Variants in OPN4 observed in about 807,000 individuals in gnomAD.
OPN4 encodes the protein melanopsin.
Under a neutral mutation model 49.5 loss-of-function variants are expected in OPN4, and 43 were observed. That is an observed-to-expected ratio of 0.87 (90% CI 0.68 to 1.12). The LOEUF is 1.12. OPN4 is among the 50% of genes most tolerant of loss of function. The pLI, the probability that OPN4 is intolerant of heterozygous loss-of-function variation, is 0.00. For synonymous variants in OPN4, 263 were observed against 258.0 expected (o/e 1.02, Z -0.19); for missense variants, 657 against 643.9 (o/e 1.02, Z -0.22).
rs757769982 is a variant in OPN4 at position 86,665,692 on chromosome 10, A to G, written c.1399-21A>G. 5.6e-6 allele frequency: 9 copies of G among 1,610,062 alleles called. No homozygotes were observed. The Admixed American group carries it at 1.5e-4, about 27-fold the overall frequency. On this transcript the variant is annotated intron_variant, in intron 9 of 9. Coordinates refer to ENST00000241891, the MANE Select transcript of OPN4 (RefSeq NM_033282.4). Reference sequence around the variant, plus strand: ...AGTGAACTGCTCCTCAGCTAAACAGATGTGTGCTGTTTGTTTGCAGACCAA... The same window carrying G: ...AGTGAACTGCTCCTCAGCTAAACAGGTGTGTGCTGTTTGTTTGCAGACCAA...
At chr10:86,665,676 C>G in intron 9 of OPN4, 37 bp from the exon 10 acceptor site, 1 of 1,600,308 alleles carries the variant, frequency 6.2e-7, no homozygotes, top group Non-Finnish European at 8.6e-7. Context: ...CAGTGAACTG[C>G]TCCTCAGCTA....
Position 86,654,567 on chromosome 10 carries a change from C to T in OPN4, c.-217C>T. The stretch of plus-strand genomic sequence containing the variant: ...TGGCTGTGAGTCACCATAACTGCGA[C>T]ACTCACTCATTTGCGCTTCACCAGA... On this transcript the variant is annotated 5_prime_UTR_variant, in exon 1 of 10. Transcript: ENST00000241891. The T allele has an allele frequency of 1.8e-6, 1 of 554,836 alleles. No homozygotes were observed. Among genetic ancestry groups the T allele is most frequent in the Non-Finnish European group, 3.2e-6 (1 of 316,568 alleles). 34.4% of individuals were successfully genotyped at this position (554,836 alleles called of 1,614,324 possible).
At chr10:86,659,170 A>G (rs1843940335) in intron 4 of OPN4, 127 bp from the exon 5 acceptor site, 1 of 695,130 alleles carries the variant, frequency 1.4e-6, no homozygotes. Context: ...TCCTCACTGC[A>G]TGGGACAGGG....
chr10:86,656,338 G>T, intron 2 of OPN4, 38 bp downstream of exon 2: 1 of 1,555,506 alleles, frequency 6.4e-7, no homozygotes, highest in Non-Finnish European at 8.7e-7. Flanking sequence ...GGCACTGAGG[G>T]TGGCAGCCAT....
chr10:86,658,752 TA>T, intron 4 of OPN4, 65 bp downstream of exon 4: 1 of 1,562,286 alleles, frequency 6.4e-7, no homozygotes, highest in Non-Finnish European at 8.7e-7. Flanking sequence ...CAAGGGGAAG[TA>T]GGTGGACTTG....
At chr10:86,655,523 G>A (rs1038326755) in intron 1 of OPN4, among the ~76,000 whole-genome samples, 1 of 152,198 alleles carries the variant, frequency 6.6e-6, no homozygotes, top group African/African-American at 2.4e-5. Flanking sequence ...GGTGGGAGGA[G>A]TCTTTAAATC....
At chr10:86,662,172 G>A (rs1409505438) in intron 7 of OPN4, 80 bp from the exon 8 acceptor site, 3 of 1,282,938 alleles carry the variant, frequency 2.3e-6, no homozygotes, top group South Asian at 2.7e-5. Context: ...CATTAGGCCT[G>A]TACCAGCCTG....
At chr10:86,658,388 C>A in intron 3 of OPN4, 96 bp from the exon 4 acceptor site, 2 of 1,390,848 alleles carry the variant, frequency 1.4e-6, no homozygotes, top group South Asian at 1.3e-5. Flanking sequence ...GGAGTGCGCT[C>A]AGTCCTGCTC....
In OPN4 at chr10:86,666,190, C is replaced by T. The variant is rs557376496; in HGVS notation, c.*439C>T. The stretch of plus-strand genomic sequence containing the variant: ...ATCTCCCACTGCCAACAGCTGAAGC[C>T]GAGCACAGACCTCCCTTTGCACGCT... On this transcript the variant is annotated 3_prime_UTR_variant, in exon 10 of 10. Transcript: ENST00000241891. 6.2e-4 allele frequency: 126 copies of T among 204,876 alleles called. No individual in the cohort carries two copies. In the Middle Eastern group the frequency reaches 7.8e-3, roughly 13 times the overall value. 12.7% of individuals were successfully genotyped at this position (204,876 alleles called of 1,614,324 possible).
In OPN4 at chr10:86,659,316, G is replaced by C. The variant is rs748995116; in HGVS notation, c.648G>C (p.Gly216=). ...FFGWSAYVPE[G]LLTSCSWDYM... The stretch of plus-strand genomic sequence containing the variant: ...TCCCAGGCGCCTACGTGCCCGAGGG[G>C]TTGCTGACATCCTGCTCCTGGGACT... Residue 216 remains glycine, a synonymous_variant, in exon 5 of 10, where the codon GGG becomes GGC. Transcript: ENST00000241891. The C allele has an allele frequency of 6.2e-7, 1 of 1,612,974 alleles. No homozygotes were observed.
At position 86,662,200 on chromosome 10, in the gene OPN4, C is replaced by G; in HGVS notation, c.1074-52C>G. On this transcript the variant is annotated intron_variant, in intron 7 of 9. Transcript: ENST00000241891. ...CCAGCCTGTGCACCCATCCCCTCCCCTGCATCTGTCTGCCCATCCCCTGGC... is the reference window on the plus strand; with the variant it reads ...CCAGCCTGTGCACCCATCCCCTCCCGTGCATCTGTCTGCCCATCCCCTGGC... 3.9e-6 allele frequency: 6 copies of G among 1,527,326 alleles called. 1 individual carries two copies. The South Asian group carries it at 7.0e-5, about 18-fold the overall frequency. 94.6% of individuals were successfully genotyped at this position (1,527,326 alleles called of 1,614,324 possible).
rs1589591836 is a variant in OPN4, at chr10:86,663,594, T to C, written c.1255-65T>C. 5 of 1,391,158 alleles carry C rather than the reference T, an allele frequency of 3.6e-6. No homozygotes were observed. The East Asian group carries it at 1.3e-4, about 36-fold the overall frequency. The allele number at this position is 1,391,158 out of a possible 1,614,324, so 86.2% of individuals were successfully genotyped here. A position where few individuals can be genotyped will look rare whatever the true frequency, so the allele number is the denominator to read the frequency against. On this transcript the variant is annotated intron_variant, in intron 8 of 9. Coordinates refer to ENST00000241891, the MANE Select transcript of OPN4 (RefSeq NM_033282.4). ...GAGGATGAAGGAGGGCCTGGTGGGG[T>C]AAGGGCAGGAGCAAAGCTACGGACT...
chr10:86,655,363 C>G (rs191314617), intron 1 of OPN4, among the ~76,000 whole-genome samples: 1 of 152,304 alleles, frequency 6.6e-6, no homozygotes, highest in East Asian at 1.9e-4. Flanking sequence ...TCCATCAACA[C>G]CACTGCTACC....
At position 86,665,963 on chromosome 10, in the gene OPN4, T is replaced by G. The variant is rs1449373263; in HGVS notation, c.*212T>G. 1 of 570,500 alleles carries G rather than the reference T, an allele frequency of 1.8e-6. No homozygotes were observed. Among genetic ancestry groups the G allele is most frequent in the Non-Finnish European group, 3.1e-6 (1 of 322,828 alleles). The allele number at this position is 570,500 out of a possible 1,614,324, so 35.3% of individuals were successfully genotyped here. On this transcript the variant is annotated 3_prime_UTR_variant, in exon 10 of 10. Coordinates refer to ENST00000241891, the MANE Select transcript of OPN4 (RefSeq NM_033282.4). Reference sequence around the variant, plus strand: ...ACGTCCTCCGCATCCACTTTCCAGCTCAGCAGCCGCACCCGAGGCTCAGCC... The same window carrying G: ...ACGTCCTCCGCATCCACTTTCCAGCGCAGCAGCCGCACCCGAGGCTCAGCC...
chr10:86,658,443 A>AC (rs1843921819), intron 3 of OPN4, 41 bp from the exon 4 acceptor site: 2 of 1,599,982 alleles, frequency 1.3e-6, no homozygotes, highest in African/African-American at 2.7e-5. Context: ...CTGTCCCCAG[A>AC]CCCTCCTCCC....
Position 86,659,977 on chromosome 10 carries a change from G to T in OPN4, c.883G>T (p.Ala295Ser), listed in dbSNP as rs756216685. 1 of 1,614,216 alleles carries T rather than the reference G, an allele frequency of 6.2e-7. No homozygotes were observed. The highest frequency in any genetic ancestry group is 1.1e-5 in the South Asian group (1 of 91,086). ...RQRLQSECKM[A>S]KIMLLVILLF... is the part of the protein sequence containing the mutation. ...GCGGCTGCAGAGCGAGTGCAAGATG[G>T]CCAAGATCATGCTGCTGGTCATCCT... The change falls in exon 6 of 10, where the codon GCC becomes TCC. Residue 295 changes from alanine to serine, a missense_variant. By Grantham distance (99) the Ala-to-Ser change is moderately conservative (BLOSUM62 1). Coordinates refer to ENST00000241891, the MANE Select transcript of OPN4 (RefSeq NM_033282.4).
In OPN4 at chr10:86,661,291, G is replaced by C; in HGVS notation, c.976G>C (p.Val326Leu). The C allele has an allele frequency of 1.2e-6, 2 of 1,613,802 alleles. No individual in the cohort carries two copies. Among genetic ancestry groups the C allele is most frequent in the Non-Finnish European group, 1.7e-6 (2 of 1,179,840 alleles). The change falls in exon 7 of 10, where the codon GTC becomes CTC. Residue 326 changes from valine (V) to leucine (L), a missense_variant. Transcript: ENST00000241891. ...CCTTCTCTGTCCTAGGTACGCACACGTCCTGACACCCTACATGAGCTCGGT... is the reference window on the plus strand; with the variant it reads ...CCTTCTCTGTCCTAGGTACGCACACCTCCTGACACCCTACATGAGCTCGGT... ...ALVAFAGYAHVLTPYMSSVPA... is the reference protein window; with the variant it reads ...ALVAFAGYAHLLTPYMSSVPA...
intron 2 of OPN4, among the ~76,000 whole-genome samples, chr10:86,656,559 T>C (rs1843869923): frequency 6.6e-6 from 1 of 152,144 alleles, no homozygotes; most frequent in African/African-American, 2.4e-5. Context: ...AGGGTGTGTG[T>C]GCCCAGAGTA....
At position 86,654,916 on chromosome 10, in the gene OPN4, A is replaced by G. The variant is rs761578317; in HGVS notation, c.133A>G (p.Ile45Val). The change falls in exon 1 of 10, where the codon ATC becomes GTC. Residue 45 changes from isoleucine to valine, a missense_variant. Ile to Val is a conservative substitution (Grantham distance 29). Transcript: ENST00000241891. ...CTCCAGCCTGGGCCGGCTTCCATCC[A>G]TCAGTCCCACAGTAAGCCTGGGCGA... The part of the protein sequence containing the change: ...SISSLGRLPS[I>V]SPTAPGTWAA... The G allele has an allele frequency of 6.2e-7, 1 of 1,611,586 alleles. No individual in the cohort carries two copies. Among genetic ancestry groups the G allele is most frequent in the South Asian group, 1.1e-5 (1 of 91,016 alleles).
Sources: allele counts gnomAD v4.1 joint callset (sites outside exome capture counted in the v4.1 genomes callset), GRCh38; gene constraint gnomAD v4.1.1; transcripts MANE v1.5; gene names NCBI Gene and HGNC (gene_info 2026-07-23, HGNC 2026-07-21).